Variants in EEFSEC observed in about 807,000 individuals in gnomAD.
The protein encoded by EEFSEC is selenocysteine-specific elongation factor.
Under a neutral mutation model 42.1 loss-of-function variants are expected in EEFSEC, and 43 were observed. The ratio of observed to expected loss-of-function variants is 1.02; its 90% CI spans 0.80 to 1.32. The LOEUF (loss-of-function observed/expected upper bound fraction) is 1.32, where lower values mean the gene tolerates loss of function less well. EEFSEC is among the 40% of genes most tolerant of loss of function. EEFSEC has a pLI of 0.00. For missense variants in EEFSEC, 745 were observed against 803.6 expected (o/e 0.93, Z 0.88); for synonymous variants, 354 against 339.1 (o/e 1.04, Z -0.48).
intron 1 of EEFSEC, among the ~76,000 whole-genome samples, chr3:128,176,924 A>C (rs1433767702): frequency 6.6e-6 from 1 of 151,916 alleles, no homozygotes; most frequent in Non-Finnish European, 1.5e-5. Context: ...GCCAGCTATA[A>C]ATGTGGTCTT....
intron 2 of EEFSEC, among the ~76,000 whole-genome samples, chr3:128,258,196 C>A (rs1240487413): frequency 6.6e-6 from 1 of 152,180 alleles, no homozygotes; most frequent in Non-Finnish European, 1.5e-5. Flanking sequence ...GATGTTTTGT[C>A]ATCCCCTCTT....
intron 6 of EEFSEC, among the ~76,000 whole-genome samples, chr3:128,386,170 A>G (rs1263259151): frequency 2.0e-5 from 3 of 152,116 alleles, no homozygotes; most frequent in Non-Finnish European, 4.4e-5. Flanking sequence ...ATGCTGAGAA[A>G]GATTTGGGAA....
intron 1 of EEFSEC, among the ~76,000 whole-genome samples, chr3:128,189,583 A>G (rs550072129): frequency 6.5e-5 from 9 of 138,744 alleles, no homozygotes; most frequent in Admixed American, 4.5e-4. Flanking sequence ...TTTCCGAGCC[A>G]GGGTCTGGCT....
intron 1 of EEFSEC, among the ~76,000 whole-genome samples, chr3:128,192,672 T>C (rs1257629276): frequency 6.6e-6 from 1 of 152,242 alleles, no homozygotes; most frequent in African/African-American, 2.4e-5. Flanking sequence ...AGTTAATTGA[T>C]TGATTAACTC....
chr3:128,154,040 G>C lies in EEFSEC; in HGVS notation c.316+217G>C, dbSNP rs563787529. ...AGCTTTTCCCATCCAGCAGAACCGA[G>C]CTGCAAGGCGCCTTCCTTAAAAAAA... On this transcript the variant is annotated intron_variant, in intron 1 of 6. Transcript: ENST00000254730. 69 of 469,098 alleles carry C rather than the reference G, an allele frequency of 1.5e-4. No individual in the cohort carries two copies. The Middle Eastern group carries it at 3.5e-3, about 23-fold the overall frequency. 29.1% of individuals were successfully genotyped at this position (469,098 alleles called of 1,614,324 possible). A position where few individuals can be genotyped will look rare whatever the true frequency, so the allele number is the denominator to read the frequency against.
intron 4 of EEFSEC, among the ~76,000 whole-genome samples, chr3:128,296,806 G>A (rs1054843872): frequency 2.6e-5 from 4 of 152,230 alleles, no homozygotes; most frequent in African/African-American, 7.2e-5. Flanking sequence ...GCATAGGTGT[G>A]GCTTACAGTC....
At chr3:128,422,709 CTTG>C in the EEFSEC span, among the ~76,000 whole-genome samples, 7 of 152,248 alleles carry the variant, frequency 4.6e-5, no homozygotes, top group African/African-American at 1.7e-4. Flanking sequence ...CCAGAGGGAG[CTTG>C]AAACATCCCG....
chr3:128,411,232 C>G (rs965069480), downstream of EEFSEC, among the ~76,000 whole-genome samples: 18 of 152,340 alleles, frequency 1.2e-4, no homozygotes, highest in African/African-American at 4.3e-4. Context: ...CTCCCCCGTC[C>G]CCCAGGATGC....
intron 6 of EEFSEC, among the ~76,000 whole-genome samples, chr3:128,399,598 C>A (rs1477851674): frequency 3.9e-5 from 6 of 152,094 alleles, no homozygotes; most frequent in Non-Finnish European, 7.4e-5. Context: ...CGGCCCCCCC[C>A]AGCCAGCGAC....
At chr3:128,417,496 G>A in the EEFSEC span, among the ~76,000 whole-genome samples, 11 of 151,896 alleles carry the variant, frequency 7.2e-5, no homozygotes, top group African/African-American at 1.5e-4. This position sits in a 1 kb window ranked among gnomAD's most constrained non-coding sequence, Gnocchi z 4.3. Context: ...ATTCCCACCC[G>A]CTGTTTCACC....
intron 6 of EEFSEC, among the ~76,000 whole-genome samples, chr3:128,384,025 C>A (rs1040038850): frequency 3.3e-5 from 5 of 152,202 alleles, no homozygotes; most frequent in African/African-American, 9.7e-5. Context: ...TCAAAAATGC[C>A]ATGGAGGCTA....
intron 4 of EEFSEC, among the ~76,000 whole-genome samples, chr3:128,287,010 T>G (rs2066593020): frequency 6.6e-6 from 1 of 152,180 alleles, no homozygotes. Flanking sequence ...ATTCACTCAC[T>G]TATTTGTTCC....
At chr3:128,346,623 C>T (rs61044849) in intron 5 of EEFSEC, among the ~76,000 whole-genome samples, 20,772 of 152,094 alleles carry the variant, frequency 0.14, 1,601 homozygotes, top group African/African-American at 0.21. Context: ...GATGGGTATG[C>T]ACCAGTAATA....
intron 1 of EEFSEC, among the ~76,000 whole-genome samples, chr3:128,199,942 C>G (rs1356185394): frequency 7.9e-5 from 12 of 152,152 alleles, no homozygotes; most frequent in Admixed American, 7.9e-4. Flanking sequence ...GCACTTTGGC[C>G]AGGCTGGCCT....
At chr3:128,322,893 G>A (rs368051284) in intron 4 of EEFSEC, among the ~76,000 whole-genome samples, 3 of 152,310 alleles carry the variant, frequency 2.0e-5, no homozygotes, top group African/African-American at 7.2e-5. Flanking sequence ...ACATCCAGCT[G>A]TCACTTTGTT....
intron 4 of EEFSEC, among the ~76,000 whole-genome samples, chr3:128,335,201 A>G (rs2067176633): frequency 6.6e-6 from 1 of 152,216 alleles, no homozygotes; most frequent in Non-Finnish European, 1.5e-5. Flanking sequence ...ATAGAAATGG[A>G]AAAAAACAAA....
intron 6 of EEFSEC, chr3:128,367,834 C>G: frequency 1.0e-6 from 1 of 985,430 alleles, no homozygotes; most frequent in Non-Finnish European, 1.2e-6. Context: ...CCCATTTCAT[C>G]TGGAATGCCA....
intron 4 of EEFSEC, among the ~76,000 whole-genome samples, chr3:128,327,708 C>T (rs1427833995): frequency 6.6e-6 from 1 of 152,172 alleles, no homozygotes; most frequent in African/African-American, 2.4e-5. Context: ...CTGGAGAGCA[C>T]TGCACAGATG....
In EEFSEC at chr3:128,222,185, C is replaced by A. The variant is rs2065868463; in HGVS notation, c.317-24651C>A. 2.0e-5 allele frequency among the ~76,000 whole-genome samples: 3 copies of A among 152,180 alleles called. No homozygotes were observed. The South Asian group carries it at 6.2e-4, about 32-fold the overall frequency. On this transcript the variant is annotated intron_variant, in intron 1 of 6. Transcript: ENST00000254730. ...AGTAGCTGGGATTACAGGTGCACAC[C>A]ACTCCAGCCAGCTAATTTTTGTATA...
Sources: gnomAD v4.1 joint callset for allele counts (sites outside exome capture counted in the v4.1 genomes callset) on GRCh38, gnomAD v4.1.1 for gene constraint, Gnocchi (gnomAD v3.1) non-coding constraint, MANE v1.5 for transcripts, NCBI Gene and HGNC (gene_info 2026-07-23, HGNC 2026-07-21) for gene names.